The following NTRK3 variants were observed in gnomAD, a reference collection of about 807,000 sequenced individuals.
NTRK3 encodes neurotrophic receptor tyrosine kinase 3.
In NTRK3, 24 loss-of-function variants were observed where a neutral mutation model predicts 91.7. The ratio of observed to expected loss-of-function variants is 0.26; its 90% CI spans 0.19 to 0.37. The LOEUF (loss-of-function observed/expected upper bound fraction) is 0.37. Ranked by LOEUF, NTRK3 falls within the 10% of genes least tolerant of loss-of-function variation. NTRK3 has a pLI of 1.00. For missense variants in NTRK3, 880 were observed against 1,068.9 expected, an observed-to-expected ratio of 0.82 and a Z score of 2.46; for synonymous variants, 483 against 404.0, an observed-to-expected ratio of 1.20 and a Z score of -2.34.
At chr15:87,974,024 T>C (rs1419855682) in intron 14 of NTRK3, among the ~76,000 whole-genome samples, 1 of 152,190 alleles carries the variant, frequency 6.6e-6, no homozygotes, top group African/African-American at 2.4e-5. Context: ...TGCATTGATC[T>C]GCCCGCTCCT....
intron 6 of NTRK3, among the ~76,000 whole-genome samples, chr15:88,140,340 T>C (rs1400682394): frequency 6.6e-6 from 1 of 152,186 alleles, no homozygotes; most frequent in Non-Finnish European, 1.5e-5. Context: ...ACCAAAGGGA[T>C]AGACAGAGGA....
chr15:88,003,390 G>T (rs1240884293), intron 14 of NTRK3, among the ~76,000 whole-genome samples: 1 of 152,204 alleles, frequency 6.6e-6, no homozygotes, highest in Non-Finnish European at 1.5e-5. Context: ...GAAAATTCTT[G>T]ACTGGCATGA....
rs927847483 is a variant in NTRK3, at chr15:88,240,380, C to T, written c.248+15526G>A. On this transcript the variant is annotated intron_variant, in intron 3 of 18. Coordinates refer to ENST00000394480, the Ensembl canonical transcript of NTRK3. The surrounding 1 kb of genome is among the most constrained non-coding windows in gnomAD (Gnocchi z 4.9). ...ACAGGCCAGCCCCATCCTGCCCTGA[C>T]GCAGGGGACATTCTGTGAGGATGTG... Among the ~76,000 whole-genome samples, 3 of 152,138 alleles carry T rather than the reference C, an allele frequency of 2.0e-5. No homozygotes were observed. Among genetic ancestry groups the T allele is most frequent in the East Asian group, 1.9e-4 (1 of 5,184 alleles).
chr15:87,880,767 C>T (rs1021801376), intron 17 of NTRK3, among the ~76,000 whole-genome samples: 2 of 152,222 alleles, frequency 1.3e-5, no homozygotes, highest in African/African-American at 4.8e-5. Flanking sequence ...AGCAAGAAGT[C>T]AGCAGAATGA....
intron 13 of NTRK3, 99 bp downstream of exon 13, chr15:88,126,172 C>G: frequency 3.5e-6 from 3 of 867,402 alleles, no homozygotes; most frequent in Admixed American, 3.9e-5. Context: ...TGACCGGAGG[C>G]CCTCTCAGAG....
At chr15:87,963,187 G>T (rs2072466372) in intron 14 of NTRK3, among the ~76,000 whole-genome samples, 1 of 152,152 alleles carries the variant, frequency 6.6e-6, no homozygotes, top group South Asian at 2.1e-4. Flanking sequence ...CTCATCAGAG[G>T]TAGCAATGCA....
At chr15:87,976,457 A>G (rs1258869109) in intron 14 of NTRK3, among the ~76,000 whole-genome samples, 1 of 152,188 alleles carries the variant, frequency 6.6e-6, no homozygotes, top group Non-Finnish European at 1.5e-5. Flanking sequence ...ACTGAGCTCC[A>G]TCAGGGATTA....
intron 6 of NTRK3, among the ~76,000 whole-genome samples, chr15:88,145,498 A>T (rs563583493): frequency 6.6e-6 from 1 of 152,258 alleles, no homozygotes; most frequent in East Asian, 1.9e-4. Context: ...TGGTGTATTG[A>T]TCCCAGGCAA....
At chr15:88,125,886 C>G (rs544920092) in intron 13 of NTRK3, among the ~76,000 whole-genome samples, 13 of 152,342 alleles carry the variant, frequency 8.5e-5, no homozygotes, top group African/African-American at 3.1e-4. Flanking sequence ...AACACAACTT[C>G]AAAAACAAGA....
chr15:88,049,275 G>A, intron 13 of NTRK3, among the ~76,000 whole-genome samples: 1 of 152,054 alleles, frequency 6.6e-6, no homozygotes, highest in Non-Finnish European at 1.5e-5. Context: ...ATTTCCCCTA[G>A]TTTTCAAGAG....
intron 5 of NTRK3, among the ~76,000 whole-genome samples, chr15:88,177,033 G>A (rs1232501698): frequency 6.6e-6 from 1 of 152,162 alleles, no homozygotes; most frequent in Non-Finnish European, 1.5e-5. Flanking sequence ...TATCTGTTTG[G>A]GTCAGATGGG....
intron 14 of NTRK3, among the ~76,000 whole-genome samples, chr15:87,960,163 C>A (rs941469264): frequency 6.6e-6 from 1 of 152,204 alleles, no homozygotes; most frequent in Non-Finnish European, 1.5e-5. Flanking sequence ...TCGAACAAGA[C>A]TAATCCAGGA....
rs536194447 is a variant in NTRK3 at position 88,241,653 on chromosome 15, G to C, written c.248+14253C>G. On this transcript the variant is annotated intron_variant, in intron 3 of 18. Coordinates refer to ENST00000394480, the Ensembl canonical transcript of NTRK3. This position sits in a 1 kb window ranked among gnomAD's most constrained non-coding sequence, Gnocchi z 4.3. ...GCTGGGTGCTGGGAGCAGGAAGCGG[G>C]GCTACCCTTCAATACCACGTGGAGC... Among the ~76,000 whole-genome samples, 1 of 152,178 alleles carries C rather than the reference G, an allele frequency of 6.6e-6. No individual in the cohort carries two copies. The highest frequency in any genetic ancestry group is 2.4e-5 in the African/African-American group (1 of 41,522).
intron 14 of NTRK3, among the ~76,000 whole-genome samples, chr15:88,004,920 T>A (rs980030038): frequency 6.6e-6 from 1 of 152,164 alleles, no homozygotes; most frequent in African/African-American, 2.4e-5. Context: ...AGTGCTGGAG[T>A]ATTCCATGTG....
At chr15:87,898,874 G>A (rs973176833) in intron 17 of NTRK3, among the ~76,000 whole-genome samples, 13 of 149,614 alleles carry the variant, frequency 8.7e-5, no homozygotes, top group Non-Finnish European at 1.6e-4. Flanking sequence ...GTGGTGGCAC[G>A]CACCTGTAGT....
intron 17 of NTRK3, among the ~76,000 whole-genome samples, chr15:87,906,829 C>T (rs1260202640): frequency 6.6e-6 from 1 of 152,164 alleles, no homozygotes; most frequent in Non-Finnish European, 1.5e-5. Context: ...TGCTTTCCTT[C>T]TCTCTTAAGA....
intron 13 of NTRK3, among the ~76,000 whole-genome samples, chr15:88,054,214 G>A (rs1444050260): frequency 6.6e-6 from 1 of 152,190 alleles, no homozygotes; most frequent in Non-Finnish European, 1.5e-5. Context: ...AATGCCTATT[G>A]CGAGCAAACC....
chr15:88,151,468 A>G lies in NTRK3; in HGVS notation c.396-4065T>C, dbSNP rs1373817757. The stretch of plus-strand genomic sequence containing the variant: ...CTCCCAGGCAACCTCTCCTCTGACC[A>G]GTAGAAACCTAAGCACAGTAAGCAG... On this transcript the variant is annotated intron_variant, in intron 5 of 18. Coordinates refer to ENST00000394480, the Ensembl canonical transcript of NTRK3. 7.2e-5 allele frequency among the ~76,000 whole-genome samples: 11 copies of G among 152,322 alleles called. No individual in the cohort carries two copies. In the East Asian group the frequency reaches 1.4e-3, roughly 19 times the overall value.
chr15:88,089,404 T>A (rs536301284), intron 13 of NTRK3, among the ~76,000 whole-genome samples: 1 of 152,144 alleles, frequency 6.6e-6, no homozygotes, highest in South Asian at 2.1e-4. Flanking sequence ...ATGACATCCA[T>A]CAGCACATTT....
Sources: gnomAD v4.1 joint callset for allele counts (sites outside exome capture counted in the v4.1 genomes callset) on GRCh38, gnomAD v4.1.1 for gene constraint, Gnocchi (gnomAD v3.1) non-coding constraint, MANE v1.5 for transcripts, NCBI Gene and HGNC (gene_info 2026-07-23, HGNC 2026-07-21) for gene names.